The following TBL1XR1 variants were observed in gnomAD, a reference collection of about 807,000 sequenced individuals.
The protein encoded by TBL1XR1 is TBL1X/Y related 1.
A neutral mutation model predicts 66.9 loss-of-function variants in TBL1XR1; 5 were observed. The ratio of observed to expected loss-of-function variants is 0.07; its 90% CI spans 0.04 to 0.16. TBL1XR1 has a LOEUF of 0.16. Among genes scored for constraint, TBL1XR1 ranks in the 10% least tolerant of loss-of-function variants. The pLI is 1.00. For missense variants in TBL1XR1, 238 were observed against 623.2 expected, an observed-to-expected ratio of 0.38 and a Z score of 6.58; for synonymous variants, 210 against 206.0, an observed-to-expected ratio of 1.02 and a Z score of -0.17.
chr3:177,144,770 G>GAA (rs1730051416), intron 1 of TBL1XR1, among the ~76,000 whole-genome samples: 1 of 151,722 alleles, frequency 6.6e-6, no homozygotes, highest in Admixed American at 6.6e-5. Context: ...AAGAAAAAAA[G>GAA]AAAAAGAAAG....
rs369196367 is a variant in TBL1XR1, at chr3:177,113,310, G to A, written c.-121-14769C>T. Among the ~76,000 whole-genome samples the A allele has an allele frequency of 6.6e-5, 10 of 152,080 alleles. No individual in the cohort carries two copies. The East Asian group carries it at 1.9e-3, about 29-fold the overall frequency. ...GGAACACTTCCTGACAGCAATCTGG[G>A]CAAGGATTTTCTTTGGATAGGACCT... On this transcript the variant is annotated intron_variant, in intron 1 of 15. Coordinates refer to ENST00000457928, the MANE Select transcript of TBL1XR1 (RefSeq NM_024665.7).
intron 1 of TBL1XR1, among the ~76,000 whole-genome samples, chr3:177,132,290 G>C (rs1389709449): frequency 1.3e-5 from 2 of 152,156 alleles, no homozygotes; most frequent in African/African-American, 4.8e-5. Flanking sequence ...GCGCACATCA[G>C]TGATCCTGAT....
intron 1 of TBL1XR1, among the ~76,000 whole-genome samples, chr3:177,166,317 A>G (rs1183791447): frequency 6.6e-6 from 1 of 152,228 alleles, no homozygotes; most frequent in Non-Finnish European, 1.5e-5. Flanking sequence ...ATACAACCCT[A>G]TTTTAAAAAT....
intron 1 of TBL1XR1, among the ~76,000 whole-genome samples, 185 bp from the exon 2 acceptor site, chr3:177,098,726 G>A (rs1428478882): frequency 6.6e-6 from 1 of 152,120 alleles, no homozygotes; most frequent in African/African-American, 2.4e-5. Flanking sequence ...TACTTGGCAA[G>A]TCTTTAGAAC....
At chr3:177,096,646 T>G (rs1270604981) in intron 2 of TBL1XR1, among the ~76,000 whole-genome samples, 1 of 152,132 alleles carries the variant, frequency 6.6e-6, no homozygotes, top group African/African-American at 2.4e-5. Context: ...TGAACTTCAT[T>G]TGAACAAAAA....
intron 1 of TBL1XR1, among the ~76,000 whole-genome samples, chr3:177,100,406 A>C (rs1207590093): frequency 3.3e-5 from 5 of 152,052 alleles, no homozygotes; most frequent in South Asian, 2.1e-4. Context: ...AAAGCTCATC[A>C]ACACCAACAG....
intron 1 of TBL1XR1, among the ~76,000 whole-genome samples, chr3:177,189,231 T>A (rs549719682): frequency 2.9e-5 from 4 of 139,262 alleles, no homozygotes; most frequent in Non-Finnish European, 4.7e-5. Flanking sequence ...GAAATAACAA[T>A]TTCAGGCCAG....
intron 2 of TBL1XR1, among the ~76,000 whole-genome samples, chr3:177,083,536 T>C (rs954844110): frequency 6.6e-6 from 1 of 152,214 alleles, no homozygotes; most frequent in Admixed American, 6.5e-5. Flanking sequence ...AAAAACAACA[T>C]ATTAACAGGA....
At chr3:177,174,348 G>GCAGTGAGC (rs1252829881) in intron 1 of TBL1XR1, among the ~76,000 whole-genome samples, 1 of 140,494 alleles carries the variant, frequency 7.1e-6, no homozygotes, top group Non-Finnish European at 1.5e-5. Flanking sequence ...GGCAGAGCTT[G>GCAGTGAGC]CAGTGAGCTG....
chr3:177,125,579 C>G (rs1385692934), intron 1 of TBL1XR1, among the ~76,000 whole-genome samples: 1 of 151,944 alleles, frequency 6.6e-6, no homozygotes, highest in Non-Finnish European at 1.5e-5. Flanking sequence ...TTTTTTATTT[C>G]ACAAGAATGA....
intron 10 of TBL1XR1, among the ~76,000 whole-genome samples, chr3:177,039,693 A>G (rs1715303501): frequency 6.6e-6 from 1 of 152,242 alleles, no homozygotes; most frequent in South Asian, 2.1e-4. Context: ...AGGCAACAGA[A>G]GCATATCAAA....
chr3:177,101,637 C>G (rs1489120740), intron 1 of TBL1XR1, among the ~76,000 whole-genome samples: 6 of 152,164 alleles, frequency 3.9e-5, no homozygotes, highest in African/African-American at 1.4e-4. Context: ...AGTAAGAAGG[C>G]CCTTCCCACA....
rs368843055 is a variant in TBL1XR1 at position 177,141,882 on chromosome 3, TTC to T, written c.-121-43343_-121-43342del. Among the ~76,000 whole-genome samples, 932 of 152,304 alleles carry T rather than the reference TTC, an allele frequency of 6.1e-3. 7 individuals are homozygous for T. Among genetic ancestry groups the T allele is most frequent in the Non-Finnish European group, 9.5e-3 (643 of 68,022 alleles). ...ACATTAACCTTAAAAAGCAAGGAAA[TTC>T]TGACACATGCTACAACATAGATGAC... On this transcript the variant is annotated intron_variant, in intron 1 of 15. Transcript: ENST00000457928.
At chr3:177,136,523 A>G (rs1577277096) in intron 1 of TBL1XR1, among the ~76,000 whole-genome samples, 2 of 151,950 alleles carry the variant, frequency 1.3e-5, no homozygotes, top group Admixed American at 6.6e-5. Context: ...CAAGTGATCC[A>G]CCCGCCTAGG....
At chr3:177,062,319 C>G (rs758278937) in intron 3 of TBL1XR1, among the ~76,000 whole-genome samples, 3 of 152,208 alleles carry the variant, frequency 2.0e-5, no homozygotes, top group African/African-American at 7.2e-5. Flanking sequence ...ATTGTCTTGT[C>G]AAGTTCTAAT....
intron 1 of TBL1XR1, among the ~76,000 whole-genome samples, chr3:177,099,734 G>C (rs913422637): frequency 2.0e-5 from 3 of 152,184 alleles, no homozygotes; most frequent in African/African-American, 7.2e-5. Context: ...ATCATGACTA[G>C]ATACCACTAG....
chr3:177,192,866 T>C (rs1045345086), intron 1 of TBL1XR1, among the ~76,000 whole-genome samples: 9 of 152,048 alleles, frequency 5.9e-5, no homozygotes, highest in Non-Finnish European at 1.2e-4. Context: ...ACAAACACAT[T>C]AGGGCCAGGC....
At chr3:177,167,306 G>C (rs1182206381) in intron 1 of TBL1XR1, among the ~76,000 whole-genome samples, 1 of 152,206 alleles carries the variant, frequency 6.6e-6, no homozygotes, top group Admixed American at 6.5e-5. Context: ...AATTATGGAG[G>C]CAGCCAGAAG....
intron 1 of TBL1XR1, among the ~76,000 whole-genome samples, chr3:177,158,606 A>T (rs886812171): frequency 6.6e-6 from 1 of 152,152 alleles, no homozygotes; most frequent in Non-Finnish European, 1.5e-5. Flanking sequence ...TTCATATTAT[A>T]TATTAGACCC....
Sources: gnomAD v4.1 joint callset for allele counts (sites outside exome capture counted in the v4.1 genomes callset) on GRCh38, gnomAD v4.1.1 for gene constraint, MANE v1.5 for transcripts, NCBI Gene and HGNC (gene_info 2026-07-23, HGNC 2026-07-21) for gene names.